The following NTRK3 variants were observed in gnomAD, a reference collection of about 807,000 sequenced individuals.
The protein encoded by NTRK3 is NT-3 growth factor receptor.
A neutral mutation model predicts 91.7 loss-of-function variants in NTRK3; 24 were observed. That is an observed-to-expected ratio of 0.26 (90% CI 0.19 to 0.37). The LOEUF (loss-of-function observed/expected upper bound fraction) is 0.37, where lower values mean the gene tolerates loss of function less well. Among genes scored for constraint, NTRK3 ranks in the 10% least tolerant of loss-of-function variants. The pLI is 1.00. For missense variants in NTRK3, 880 were observed against 1,068.9 expected, an observed-to-expected ratio of 0.82 and a Z score of 2.46; for synonymous variants, 483 against 404.0, an observed-to-expected ratio of 1.20 and a Z score of -2.34.
At chr15:87,945,060 C>T (rs1044292008) in intron 14 of NTRK3, among the ~76,000 whole-genome samples, 1 of 152,144 alleles carries the variant, frequency 6.6e-6, no homozygotes, top group African/African-American at 2.4e-5. Context: ...TCACAAGGCT[C>T]AGACATGGAG....
chr15:88,024,053 C>T (rs150203715), intron 14 of NTRK3, among the ~76,000 whole-genome samples: 26 of 152,346 alleles, frequency 1.7e-4, no homozygotes, highest in African/African-American at 5.8e-4. Flanking sequence ...CACGCTGATG[C>T]ACTGTTAATA....
chr15:87,881,442 C>A (rs951014167), intron 17 of NTRK3, among the ~76,000 whole-genome samples: 5 of 126,494 alleles, frequency 4.0e-5, no homozygotes, highest in African/African-American at 5.4e-5. Flanking sequence ...TATTTTGAGA[C>A]GGAGTCTCGC....
chr15:88,110,187 C>A (rs1056113470), intron 13 of NTRK3, among the ~76,000 whole-genome samples: 1 of 151,982 alleles, frequency 6.6e-6, no homozygotes, highest in African/African-American at 2.4e-5. Flanking sequence ...GGAAAAGAAG[C>A]CATAGCATTG....
chr15:87,911,924 A>T (rs1475456431), intron 17 of NTRK3, among the ~76,000 whole-genome samples: 2 of 152,234 alleles, frequency 1.3e-5, no homozygotes, highest in Non-Finnish European at 2.9e-5. Flanking sequence ...TTATGTGTCA[A>T]TCAAAGTTCT....
At chr15:88,019,990 A>T (rs919731335) in intron 14 of NTRK3, among the ~76,000 whole-genome samples, 1 of 152,176 alleles carries the variant, frequency 6.6e-6, no homozygotes, top group African/African-American at 2.4e-5. Context: ...GTTTGCTAAG[A>T]AAAAACAAAA....
At chr15:87,884,427 G>A (rs931388076) in intron 17 of NTRK3, among the ~76,000 whole-genome samples, 3 of 151,438 alleles carry the variant, frequency 2.0e-5, no homozygotes, top group Non-Finnish European at 3.0e-5. Flanking sequence ...CTTTTTCAAA[G>A]CAAAAAAAGA....
intron 15 of NTRK3, among the ~76,000 whole-genome samples, chr15:87,939,173 G>C (rs1429518797): frequency 6.6e-6 from 1 of 152,114 alleles, no homozygotes; most frequent in African/African-American, 2.4e-5. Flanking sequence ...AAGCTTGGCA[G>C]ATCATATGTC....
At chr15:88,204,017 G>A (rs980970213) in intron 3 of NTRK3, among the ~76,000 whole-genome samples, 2 of 152,056 alleles carry the variant, frequency 1.3e-5, no homozygotes, top group African/African-American at 2.4e-5. Context: ...TTGTCCTAAC[G>A]CTCTCCCTCC....
chr15:87,873,550 G>A (rs920778372), exon 19 of NTRK3: 2 of 231,806 alleles, frequency 8.6e-6, no homozygotes, highest in African/African-American at 2.2e-5. Flanking sequence ...AGACACAAAA[G>A]AGCTCACTTC....
At chr15:88,076,140 C>A (rs2047522712) in intron 13 of NTRK3, among the ~76,000 whole-genome samples, 1 of 152,170 alleles carries the variant, frequency 6.6e-6, no homozygotes, top group Non-Finnish European at 1.5e-5. Flanking sequence ...TTCCACTTTG[C>A]TGGGGAGGCC....
At chr15:87,957,916 T>G (rs1384582601) in intron 14 of NTRK3, among the ~76,000 whole-genome samples, 1 of 151,972 alleles carries the variant, frequency 6.6e-6, no homozygotes, top group Non-Finnish European at 1.5e-5. Flanking sequence ...GACCTTAGAG[T>G]GTAGTGGCTG....
chr15:88,187,565 T>G (rs2047043189), intron 3 of NTRK3, among the ~76,000 whole-genome samples: 1 of 152,334 alleles, frequency 6.6e-6, no homozygotes, highest in Admixed American at 6.5e-5. Flanking sequence ...ATGGTGAGTA[T>G]CTCAACCCAG....
Position 88,115,920 on chromosome 15 carries a change from G to A in NTRK3, c.1396+10351C>T, listed in dbSNP as rs550105193. Reference sequence around the variant, plus strand: ...GGGGCCTGCCAGCACAAGCTTTTCCGGTTTTTTATAGCCCTCAACATTTCA... The same window carrying A: ...GGGGCCTGCCAGCACAAGCTTTTCCAGTTTTTTATAGCCCTCAACATTTCA... On this transcript the variant is annotated intron_variant, in intron 13 of 18. Coordinates refer to ENST00000394480, the Ensembl canonical transcript of NTRK3. 4.7e-4 allele frequency among the ~76,000 whole-genome samples: 71 copies of A among 152,126 alleles called. No homozygotes were observed. The South Asian group carries it at 0.012, about 25-fold the overall frequency.
intron 13 of NTRK3, among the ~76,000 whole-genome samples, chr15:88,061,904 C>G (rs909888794): frequency 6.6e-6 from 1 of 152,114 alleles, no homozygotes; most frequent in Non-Finnish European, 1.5e-5. Context: ...ATCCATCAAA[C>G]GGGGGTAATA....
chr15:87,862,733 A>C (rs2141374457), exon 19 of NTRK3: 1 of 229,968 alleles, frequency 4.3e-6, no homozygotes, highest in East Asian at 6.2e-5. Flanking sequence ...GTCTGGCCTG[A>C]AGAATGCCAC....
intron 13 of NTRK3, among the ~76,000 whole-genome samples, chr15:88,080,506 T>C (rs531361515): frequency 1.3e-5 from 2 of 152,376 alleles, no homozygotes; most frequent in South Asian, 2.1e-4. Flanking sequence ...ATTCTGGGAA[T>C]TGCCTGTTCC....
chr15:88,170,186 T>C (rs2045372822), intron 5 of NTRK3, among the ~76,000 whole-genome samples: 1 of 152,190 alleles, frequency 6.6e-6, no homozygotes, highest in Admixed American at 6.5e-5. Context: ...TGAGTGGACT[T>C]TGTAGGACTC....
chr15:88,201,245 C>T (rs2048281876), intron 3 of NTRK3, among the ~76,000 whole-genome samples: 1 of 152,192 alleles, frequency 6.6e-6, no homozygotes, highest in South Asian at 2.1e-4. Flanking sequence ...TGGTTAGTTT[C>T]CCTTTGACCT....
chr15:88,167,451 T>C (rs1597718575), intron 5 of NTRK3, among the ~76,000 whole-genome samples: 1 of 152,202 alleles, frequency 6.6e-6, no homozygotes, highest in East Asian at 1.9e-4. Flanking sequence ...CGGCTCCTAC[T>C]CTACTACTTC....
Sources: gnomAD v4.1 joint callset for allele counts (sites outside exome capture counted in the v4.1 genomes callset) on GRCh38, gnomAD v4.1.1 for gene constraint, MANE v1.5 for transcripts, NCBI Gene and HGNC (gene_info 2026-07-23, HGNC 2026-07-21) for gene names.